Variants in DPP10 observed in about 807,000 individuals in gnomAD.
DPP10 encodes inactive dipeptidyl peptidase 10.
Under a neutral mutation model 120.9 loss-of-function variants are expected in DPP10, and 33 were observed. The ratio of observed to expected loss-of-function variants is 0.27; its 90% confidence interval spans 0.21 to 0.37. DPP10 has a LOEUF of 0.37. Among genes scored for constraint, DPP10 ranks in the 10% least tolerant of loss-of-function variants. The pLI, the probability that DPP10 is intolerant of heterozygous loss-of-function variation, is 1.00. For missense variants in DPP10, 816 were observed against 942.8 expected, an observed-to-expected ratio of 0.87 and a Z score of 1.76; for synonymous variants, 337 against 326.1, an observed-to-expected ratio of 1.03 and a Z score of -0.36.
intron 16 of DPP10, among the ~76,000 whole-genome samples, chr2:115,781,443 C>G (rs1043431272): frequency 1.3e-5 from 2 of 151,808 alleles, no homozygotes; most frequent in African/African-American, 4.8e-5. Context: ...CAGTTCTGAT[C>G]AATTACATTC....
At chr2:114,736,973 T>C (rs149714661) in intron 1 of DPP10, among the ~76,000 whole-genome samples, 57 of 152,310 alleles carry the variant, frequency 3.7e-4, no homozygotes, top group African/African-American at 1.3e-3. Flanking sequence ...AGGAAGAACA[T>C]AGAAACATGT....
At chr2:115,632,381 G>A (rs2085948100) in intron 5 of DPP10, among the ~76,000 whole-genome samples, 1 of 151,840 alleles carries the variant, frequency 6.6e-6, no homozygotes, top group Admixed American at 6.6e-5. Context: ...CTTTTGATCA[G>A]GGCATTTAGC....
intron 1 of DPP10, among the ~76,000 whole-genome samples, chr2:114,939,638 T>C (rs66750544): frequency 0.25 from 37,990 of 152,024 alleles, 5,151 homozygotes; most frequent in Middle Eastern, 0.38. Flanking sequence ...TTTTAATTGA[T>C]ATCACCAATA....
chr2:114,789,099 T>A (rs1027366253), intron 1 of DPP10, among the ~76,000 whole-genome samples: 1 of 152,210 alleles, frequency 6.6e-6, no homozygotes, highest in Non-Finnish European at 1.5e-5. Flanking sequence ...TAAATGCCCA[T>A]CAGAGACATT....
intron 2 of DPP10, among the ~76,000 whole-genome samples, chr2:115,322,202 G>T (rs888972889): frequency 2.6e-5 from 4 of 151,868 alleles, no homozygotes; most frequent in East Asian, 1.9e-4. Context: ...TTTGTTTCTT[G>T]CTGTAGGCTG....
At chr2:114,996,496 C>T (rs1701092838) in intron 1 of DPP10, among the ~76,000 whole-genome samples, 1 of 152,086 alleles carries the variant, frequency 6.6e-6, no homozygotes, top group African/African-American at 2.4e-5. Context: ...GAAACACATA[C>T]TGAAGACAAG....
chr2:114,458,798 G>A (rs543957330), intron 1 of DPP10, among the ~76,000 whole-genome samples: 44 of 152,192 alleles, frequency 2.9e-4, no homozygotes, highest in African/African-American at 1.1e-3. Context: ...AGGAGTCATT[G>A]ATAAAAGCAA....
Position 115,178,522 on chromosome 2 carries a change from G to T in DPP10, c.61-130717G>T, listed in dbSNP as rs1273624142. On this transcript the variant is annotated intron_variant, in intron 1 of 25. Transcript: ENST00000410059. Reference sequence around the variant, plus strand: ...TGTGGAGGAGAGTGGCTACTTTACTGGTCAACCACAATCAGCAAATCATTG... The same window carrying T: ...TGTGGAGGAGAGTGGCTACTTTACTTGTCAACCACAATCAGCAAATCATTG... Among the ~76,000 whole-genome samples, 5 of 152,056 alleles carry T rather than the reference G, an allele frequency of 3.3e-5. No homozygotes were observed. In the East Asian group the frequency reaches 9.6e-4, roughly 29 times the overall value.
At chr2:114,772,669 T>TC (rs528561709) in intron 1 of DPP10, among the ~76,000 whole-genome samples, 44 of 152,206 alleles carry the variant, frequency 2.9e-4, no homozygotes, top group African/African-American at 9.2e-4. Context: ...TACCTTTTTT[T>TC]TTTTTCAGCT....
intron 8 of DPP10, among the ~76,000 whole-genome samples, chr2:115,735,135 G>A (rs531034915): frequency 1.4e-4 from 21 of 152,100 alleles, no homozygotes; most frequent in Middle Eastern, 3.4e-3. Context: ...GATTCGCCAG[G>A]GTTTCATAGT....
intron 1 of DPP10, among the ~76,000 whole-genome samples, chr2:114,714,112 C>T (rs1488280959): frequency 6.7e-5 from 10 of 149,042 alleles, no homozygotes; most frequent in Admixed American, 4.7e-4. Context: ...TGTGTTTGCG[C>T]GTGCGTGCGC....
At chr2:115,829,365 A>AT (rs1177974651) in intron 21 of DPP10, among the ~76,000 whole-genome samples, 1 of 152,142 alleles carries the variant, frequency 6.6e-6, no homozygotes, top group Non-Finnish European at 1.5e-5. Flanking sequence ...TTTCTGTTGA[A>AT]TTCTGTCTTT....
intron 1 of DPP10, among the ~76,000 whole-genome samples, chr2:114,668,110 G>T (rs188006860): frequency 2.0e-5 from 3 of 152,044 alleles, no homozygotes; most frequent in Non-Finnish European, 4.4e-5. Context: ...CATATGAAGA[G>T]ATTTGTTATG....
chr2:115,715,149 G>A (rs2092449517), intron 7 of DPP10, among the ~76,000 whole-genome samples: 1 of 151,660 alleles, frequency 6.6e-6, no homozygotes, highest in Non-Finnish European at 1.5e-5. Context: ...AGACCAGCCT[G>A]ACCAACATGG....
chr2:115,076,376 A>T, intron 1 of DPP10, among the ~76,000 whole-genome samples: 1 of 148,698 alleles, frequency 6.7e-6, no homozygotes. Context: ...GCACATAAAA[A>T]TATTTTTTTT....
chr2:114,752,931 T>C (rs1679373061), intron 1 of DPP10, among the ~76,000 whole-genome samples: 1 of 152,182 alleles, frequency 6.6e-6, no homozygotes, highest in Non-Finnish European at 1.5e-5. Context: ...GAGTTAGACA[T>C]ACATGTGCAC....
chr2:114,676,742 A>G (rs965884482), intron 1 of DPP10, among the ~76,000 whole-genome samples: 2 of 152,114 alleles, frequency 1.3e-5, no homozygotes, highest in Admixed American at 1.3e-4. Flanking sequence ...TGCAGCCTAC[A>G]CTATATAAAT....
chr2:114,928,542 C>T (rs142384842), intron 1 of DPP10, among the ~76,000 whole-genome samples: 1,661 of 152,244 alleles, frequency 0.011, 26 homozygotes, highest in African/African-American at 0.037. Context: ...GGGTGCAATC[C>T]CCCTGGCTGG....
At position 115,578,084 on chromosome 2, in the gene DPP10, C is replaced by G. The variant is rs1029067939; in HGVS notation, c.441+52112C>G. ...TCACGTTCCTTTGAGGCTTTATAAT[C>G]ACAAAGTCACCACTTCTCAGAAACA... On this transcript the variant is annotated intron_variant, in intron 5 of 25. Coordinates refer to ENST00000410059, the MANE Select transcript of DPP10 (RefSeq NM_020868.6). 2.6e-5 allele frequency among the ~76,000 whole-genome samples: 4 copies of G among 152,124 alleles called. No individual in the cohort carries two copies. In the South Asian group the frequency reaches 8.3e-4, roughly 31 times the overall value.
Sources: gnomAD v4.1 joint callset for allele counts (sites outside exome capture counted in the v4.1 genomes callset) on GRCh38, gnomAD v4.1.1 for gene constraint, MANE v1.5 for transcripts, NCBI Gene and HGNC (gene_info 2026-07-23, HGNC 2026-07-21) for gene names.